Variants in FAM193A observed in about 807,000 individuals in gnomAD.
The protein encoded by FAM193A is protein FAM193A.
A neutral mutation model predicts 126.5 loss-of-function variants in FAM193A; 22 were observed. The ratio of observed to expected loss-of-function variants is 0.17; its 90% confidence interval spans 0.12 to 0.25. The LOEUF (loss-of-function observed/expected upper bound fraction) is 0.25, where lower values mean the gene tolerates loss of function less well. Among genes scored for constraint, FAM193A ranks in the 10% least tolerant of loss-of-function variants. The pLI, the probability that FAM193A is intolerant of heterozygous loss-of-function variation, is 1.00. For missense variants in FAM193A, 1,675 were observed against 1,672.8 expected (o/e 1.00, Z -0.02); for synonymous variants, 761 against 646.8 (o/e 1.18, Z -2.68).
At chr4:2,549,994 G>A (rs1242870076) in intron 1 of FAM193A, among the ~76,000 whole-genome samples, 2 of 147,144 alleles carry the variant, frequency 1.4e-5, no homozygotes, top group East Asian at 2.0e-4. Context: ...CCCAAAGTGC[G>A]GGGATTACAG....
chr4:2,610,964 C>T (rs1001006952), intron 2 of FAM193A, among the ~76,000 whole-genome samples: 1 of 152,162 alleles, frequency 6.6e-6, no homozygotes, highest in Non-Finnish European at 1.5e-5. Context: ...CTCAAACTTA[C>T]AACCTCAGGT....
At chr4:2,584,781 T>A (rs1740140682) in intron 1 of FAM193A, among the ~76,000 whole-genome samples, 1 of 151,728 alleles carries the variant, frequency 6.6e-6, no homozygotes, top group Admixed American at 6.6e-5. Context: ...AAAAATTAGC[T>A]GGGCGTGGTG....
Position 2,659,891 on chromosome 4 carries a change from A to T in FAM193A, c.1582A>T (p.Ile528Phe). ...MDPPVTDDIH[I>F]HQLPLQVDPA... is the part of the protein sequence containing the mutation. ...CCCCCCCGTCACTGATGACATCCAC[A>T]TTCACCAGCTCCCACTTCAAGTGGA... The change falls in exon 10 of 21, where the codon ATT becomes TTT. Residue 528 changes from isoleucine to phenylalanine, a missense_variant. By Grantham distance (21) the Ile-to-Phe change is conservative. Transcript: ENST00000637812. 6.2e-7 allele frequency: 1 copy of T among 1,614,148 alleles called. No homozygotes were observed. The highest frequency in any genetic ancestry group is 8.5e-7 in the Non-Finnish European group (1 of 1,180,022).
chr4:2,554,630 G>A (rs1392050806), intron 1 of FAM193A, among the ~76,000 whole-genome samples: 2 of 152,094 alleles, frequency 1.3e-5, no homozygotes, highest in Non-Finnish European at 2.9e-5. Context: ...TATTCTTGCT[G>A]AGTTTTTGTC....
intron 6 of FAM193A, among the ~76,000 whole-genome samples, chr4:2,643,255 T>C (rs1219928392): frequency 6.6e-6 from 1 of 152,174 alleles, no homozygotes; most frequent in Non-Finnish European, 1.5e-5. Flanking sequence ...ATTGCTAATG[T>C]ACAGATACGC....
intron 2 of FAM193A, among the ~76,000 whole-genome samples, chr4:2,603,244 T>C (rs1416475122): frequency 6.7e-6 from 1 of 148,876 alleles, no homozygotes; most frequent in African/African-American, 2.5e-5. Context: ...CTCGGCCTCC[T>C]GATTGCTGGG....
intron 1 of FAM193A, among the ~76,000 whole-genome samples, chr4:2,581,408 C>G (rs1041883200): frequency 6.6e-6 from 1 of 151,456 alleles, no homozygotes; most frequent in Non-Finnish European, 1.5e-5. Flanking sequence ...TGCATGCCAC[C>G]ACGCCTGGCT....
Position 2,646,724 on chromosome 4 carries a change from A to G in FAM193A, c.1203A>G (p.Thr401=), listed in dbSNP as rs749114560. ...CACACGACACCTGCAGTGAGGACAC[A>G]TACAGTACCTTGCTGCAGAGGTACC... ...TTTHDTCSED[T]YSTLLQRYQR... Residue 401 remains threonine (T), a synonymous_variant, in exon 7 of 21, where the codon ACA becomes ACG. Transcript: ENST00000637812. 2.5e-6 allele frequency: 4 copies of G among 1,613,994 alleles called. No homozygotes were observed. Among genetic ancestry groups the G allele is most frequent in the Non-Finnish European group, 3.4e-6 (4 of 1,179,926 alleles).
At chr4:2,614,672 G>T (rs1742080142) in intron 2 of FAM193A, among the ~76,000 whole-genome samples, 1 of 152,204 alleles carries the variant, frequency 6.6e-6, no homozygotes, top group Non-Finnish European at 1.5e-5. Context: ...GGAAAAGTTT[G>T]TGTAAAATTG....
At position 2,581,379 on chromosome 4, in the gene FAM193A, G is replaced by A. The variant is rs373678067; in HGVS notation, c.256-14705G>A. ...AGTAATTCTCCTGCCTCAGCCTCCC[G>A]AGTAGCTGGGATTACAGGTGCATGC... On this transcript the variant is annotated intron_variant, in intron 1 of 20. Transcript: ENST00000637812. 9.6e-5 allele frequency among the ~76,000 whole-genome samples: 14 copies of A among 145,846 alleles called. No individual in the cohort carries two copies. In the South Asian group the frequency reaches 2.7e-3, roughly 28 times the overall value.
rs967009803 is a variant in FAM193A at position 2,590,152 on chromosome 4, AAG to A, written c.256-5930_256-5929del. Among the ~76,000 whole-genome samples, 9 of 149,598 alleles carry A rather than the reference AAG, an allele frequency of 6.0e-5. No individual in the cohort carries two copies. In the South Asian group the frequency reaches 1.9e-3, roughly 32 times the overall value. The stretch of plus-strand genomic sequence containing the variant: ...TCTGTCTCAAAAAAAAAAAAAAAGA[AAG>A]AAAGAAAAGGATCATATATAAAAAT... On this transcript the variant is annotated intron_variant, in intron 1 of 20. Transcript: ENST00000637812.
intron 5 of FAM193A, among the ~76,000 whole-genome samples, chr4:2,637,521 C>G (rs1228089394): frequency 6.6e-6 from 1 of 152,210 alleles, no homozygotes; most frequent in Non-Finnish European, 1.5e-5. Context: ...GTAGGAACTA[C>G]ATTCTAAACA....
At chr4:2,666,482 T>C (rs959698397) in intron 12 of FAM193A, among the ~76,000 whole-genome samples, 2 of 152,240 alleles carry the variant, frequency 1.3e-5, no homozygotes, top group Non-Finnish European at 2.9e-5. Context: ...TTCCTATCTT[T>C]GTGATGTCTT....
chr4:2,546,772 C>T (rs984749377), intron 1 of FAM193A, among the ~76,000 whole-genome samples: 3 of 152,096 alleles, frequency 2.0e-5, no homozygotes, highest in Non-Finnish European at 4.4e-5. Flanking sequence ...TTTCAATTTT[C>T]TAGGTAAATA....
chr4:2,722,758 G>A (rs954667789), intron 20 of FAM193A, among the ~76,000 whole-genome samples: 43 of 152,186 alleles, frequency 2.8e-4, no homozygotes, highest in Non-Finnish European at 5.6e-4. Flanking sequence ...CACAGTTTAA[G>A]CAACCATAAT....
intron 2 of FAM193A, among the ~76,000 whole-genome samples, chr4:2,624,842 G>A (rs3864117): frequency 0.33 from 49,467 of 151,958 alleles, 9,536 homozygotes; most frequent in Admixed American, 0.52. Context: ...ATGCCCAGCC[G>A]AATTGTTTCC....
At chr4:2,709,030 A>T (rs1435582375) in intron 19 of FAM193A, among the ~76,000 whole-genome samples, 1 of 152,110 alleles carries the variant, frequency 6.6e-6, no homozygotes, top group Non-Finnish European at 1.5e-5. Flanking sequence ...ATAATTATTT[A>T]AAATTAGCCA....
chr4:2,535,651 C>T (rs1482162088), upstream of FAM193A, among the ~76,000 whole-genome samples: 2 of 151,666 alleles, frequency 1.3e-5, no homozygotes, highest in South Asian at 2.1e-4. Context: ...GAGGAGGGTC[C>T]AGACGCAAGC....
At chr4:2,552,727 C>CG (rs1738011184) in intron 1 of FAM193A, among the ~76,000 whole-genome samples, 1 of 150,844 alleles carries the variant, frequency 6.6e-6, no homozygotes, top group Non-Finnish European at 1.5e-5. Context: ...TTAGTAGAGA[C>CG]GGGGTTTCAC....
Sources: allele counts gnomAD v4.1 joint callset (sites outside exome capture counted in the v4.1 genomes callset), GRCh38; gene constraint gnomAD v4.1.1; transcripts MANE v1.5; gene names NCBI Gene and HGNC (gene_info 2026-07-23, HGNC 2026-07-21).